The following NEXMIF variants were observed in gnomAD, a reference collection of about 807,000 sequenced individuals.
NEXMIF encodes XLMR protein related to neurite extension.
In NEXMIF, 8 loss-of-function variants were observed where a neutral mutation model predicts 62.1. That is an observed-to-expected ratio of 0.13 (90% CI 0.08 to 0.23). The LOEUF (loss-of-function observed/expected upper bound fraction) is 0.23. Ranked by LOEUF, NEXMIF falls within the 10% of genes least tolerant of loss-of-function variation. The pLI is 1.00. For synonymous variants in NEXMIF, 404 were observed against 416.6 expected, an observed-to-expected ratio of 0.97 and a Z score of 0.37; for missense variants, 976 against 1,113.3, an observed-to-expected ratio of 0.88 and a Z score of 1.75.
At chrX:74,778,732 C>T (rs1223174951) in intron 1 of NEXMIF, among the ~76,000 whole-genome samples, 4 of 111,684 alleles carry the variant, frequency 3.6e-5, no homozygotes, top group Non-Finnish European at 7.5e-5. Context: ...CTCACTGCAA[C>T]CTCTGCCTCC....
intron 1 of NEXMIF, among the ~76,000 whole-genome samples, chrX:74,773,908 C>CAAAAAAAAAAAAA (rs61514458): frequency 2.6e-5 from 1 of 38,082 alleles, no homozygotes; most frequent in Non-Finnish European, 4.3e-5. Flanking sequence ...GACTCCGTCT[C>CAAAAAAAAAAAAA]AAAAAAAAAA....
chrX:74,921,613 C>T (rs1221113205), intron 1 of NEXMIF, among the ~76,000 whole-genome samples: 2 of 110,975 alleles, frequency 1.8e-5, no homozygotes, highest in South Asian at 3.9e-4. Context: ...CCATAGAGAA[C>T]GTAACAAGTG....
chrX:74,886,182 A>G (rs952618287), intron 1 of NEXMIF, among the ~76,000 whole-genome samples: 33 of 111,819 alleles, frequency 3.0e-4, no homozygotes, highest in Admixed American at 9.5e-4. Context: ...ACAAACCCAC[A>G]GCCAATATCA....
intron 1 of NEXMIF, among the ~76,000 whole-genome samples, chrX:74,848,130 C>T (rs1286686681): frequency 9.0e-6 from 1 of 111,612 alleles, no homozygotes; most frequent in Non-Finnish European, 1.9e-5. Flanking sequence ...TATGATTATT[C>T]TCTATGCTTG....
chrX:74,919,654 T>C (rs1467260950), intron 1 of NEXMIF, among the ~76,000 whole-genome samples: 1 of 111,115 alleles, frequency 9.0e-6, no homozygotes, highest in Non-Finnish European at 1.9e-5. Context: ...CTTTCAGTTT[T>C]AGGGTACATG....
intron 1 of NEXMIF, among the ~76,000 whole-genome samples, chrX:74,755,585 A>C (rs2080156986): frequency 8.9e-6 from 1 of 111,899 alleles, no homozygotes; most frequent in South Asian, 3.8e-4. Context: ...ATAAATAAAT[A>C]AATCCATCTC....
chrX:74,875,403 T>G (rs1357031177), intron 1 of NEXMIF, among the ~76,000 whole-genome samples: 1 of 112,226 alleles, frequency 8.9e-6, no homozygotes, highest in Non-Finnish European at 1.9e-5. Context: ...TGCTGGTATT[T>G]TATTGAGGAT....
chrX:74,851,864 C>T (rs932835635), intron 1 of NEXMIF, among the ~76,000 whole-genome samples: 2 of 111,295 alleles, frequency 1.8e-5, no homozygotes, highest in African/African-American at 6.5e-5. Context: ...CGGAAAACCA[C>T]CAAACCATAA....
At chrX:74,764,775 G>T (rs2080189610) in intron 1 of NEXMIF, among the ~76,000 whole-genome samples, 1 of 111,607 alleles carries the variant, frequency 9.0e-6, no homozygotes, top group Admixed American at 9.6e-5. Context: ...TTGTTGTGCT[G>T]TGGTTTGAGA....
intron 1 of NEXMIF, among the ~76,000 whole-genome samples, chrX:74,826,889 G>A (rs1479084630): frequency 1.8e-5 from 2 of 110,902 alleles, no homozygotes; most frequent in African/African-American, 6.5e-5. Flanking sequence ...TTTATTGTTG[G>A]GAGGATTAAT....
At chrX:74,795,775 A>T in intron 1 of NEXMIF, among the ~76,000 whole-genome samples, 1 of 111,291 alleles carries the variant, frequency 9.0e-6, no homozygotes, top group South Asian at 3.7e-4. Context: ...AATGTGTGAC[A>T]TAAGTGCACT....
intron 1 of NEXMIF, among the ~76,000 whole-genome samples, chrX:74,790,350 A>G (rs551559835): frequency 1.9e-5 from 2 of 107,346 alleles, no homozygotes; most frequent in African/African-American, 6.5e-5. Flanking sequence ...TGTTTTGGTA[A>G]CAGTACCATG....
chrX:74,744,930 C>CCCCTCTCTCTCTCT (rs2080121455), intron 2 of NEXMIF, among the ~76,000 whole-genome samples: 1 of 86,565 alleles, frequency 1.2e-5, no homozygotes, highest in Non-Finnish European at 2.2e-5. Context: ...TTCTCTCTCT[C>CCCCTCTCTCTCTCT]CTCTCTCTCT....
chrX:74,899,651 C>T (rs1297447438), intron 1 of NEXMIF, among the ~76,000 whole-genome samples: 1 of 111,751 alleles, frequency 8.9e-6, no homozygotes, highest in Non-Finnish European at 1.9e-5. Flanking sequence ...AATGTCCATA[C>T]TACCCAAAGT....
chrX:74,882,772 CCTGT>C (rs2080671255), intron 1 of NEXMIF, among the ~76,000 whole-genome samples: 2 of 112,313 alleles, frequency 1.8e-5, no homozygotes, highest in Middle Eastern at 9.2e-3. Flanking sequence ...CTTAAATGTC[CCTGT>C]CTGACAGCTT....
chrX:74,916,657 T>C (rs2080808167), intron 1 of NEXMIF, among the ~76,000 whole-genome samples: 1 of 111,734 alleles, frequency 8.9e-6, no homozygotes, highest in Non-Finnish European at 1.9e-5. Context: ...ACCTTGAACT[T>C]TTCAGCCTCC....
chrX:74,819,928 G>A (rs1422228354), intron 1 of NEXMIF, among the ~76,000 whole-genome samples: 1 of 111,721 alleles, frequency 9.0e-6, no homozygotes, highest in Non-Finnish European at 1.9e-5. Context: ...CAAAGACTTG[G>A]AACCAACTGA....
chrX:74,764,738 G>GT (rs1388338211), intron 1 of NEXMIF, among the ~76,000 whole-genome samples: 12 of 110,772 alleles, frequency 1.1e-4, no homozygotes, highest in Non-Finnish European at 1.1e-4. Flanking sequence ...TTTTCTGTGA[G>GT]TTTTTTTTTA....
intron 1 of NEXMIF, among the ~76,000 whole-genome samples, chrX:74,855,402 T>G (rs183722341): frequency 8.9e-6 from 1 of 112,215 alleles, no homozygotes; most frequent in African/African-American, 3.2e-5. Context: ...CCAGTGGCAT[T>G]TGCTGAAAAC....
Sources: gnomAD v4.1 joint callset for allele counts (sites outside exome capture counted in the v4.1 genomes callset) on GRCh38, gnomAD v4.1.1 for gene constraint, MANE v1.5 for transcripts, NCBI Gene and HGNC (gene_info 2026-07-23, HGNC 2026-07-21) for gene names.